Variants in CEMIP observed in about 807,000 individuals in gnomAD.
CEMIP encodes the protein cell migration-inducing and hyaluronan-binding protein.
In CEMIP, 105 loss-of-function variants were observed where a neutral mutation model predicts 156.9. That is an observed-to-expected ratio of 0.67 (90% CI 0.57 to 0.79). The LOEUF (loss-of-function observed/expected upper bound fraction) is 0.79. CEMIP is among the 30% of genes least tolerant of loss of function. The pLI is 0.00. For missense variants in CEMIP, 1,457 were observed against 1,769.4 expected (o/e 0.82, Z 3.17); for synonymous variants, 676 against 668.4 (o/e 1.01, Z -0.17).
chr15:80,816,728 C>T (rs780757886), intron 1 of CEMIP, among the ~76,000 whole-genome samples: 5 of 152,166 alleles, frequency 3.3e-5, no homozygotes, highest in African/African-American at 9.6e-5. Flanking sequence ...GGTCTCAGGA[C>T]GGGCACTGGG....
At chr15:80,829,751 G>C (rs1897112932) in intron 1 of CEMIP, among the ~76,000 whole-genome samples, 1 of 152,122 alleles carries the variant, frequency 6.6e-6, no homozygotes, top group South Asian at 2.1e-4. Flanking sequence ...CCTGCTCTGG[G>C]GCTGTGCACA....
At chr15:80,887,370 CTG>C (rs1898880578) in intron 7 of CEMIP, among the ~76,000 whole-genome samples, 1 of 152,176 alleles carries the variant, frequency 6.6e-6, no homozygotes, top group East Asian at 1.9e-4. Context: ...ATAATTGAGC[CTG>C]GCGGGTGGTA....
chr15:80,928,795 A>C (rs1900790709), intron 19 of CEMIP, 107 bp from the exon 20 acceptor site: 1 of 1,369,758 alleles, frequency 7.3e-7, no homozygotes, highest in Non-Finnish European at 1.0e-6. Flanking sequence ...CTTCCTCTGC[A>C]CGGTATTCAG....
intron 15 of CEMIP, 152 bp from the exon 16 acceptor site, chr15:80,920,880 C>T: frequency 4.4e-6 from 3 of 679,070 alleles, no homozygotes; most frequent in Non-Finnish European, 5.3e-6. Context: ...AATTAGAAAA[C>T]TGGGTTTCAG....
At chr15:80,793,396 G>A (rs1001856939) in intron 1 of CEMIP, among the ~76,000 whole-genome samples, 2 of 152,200 alleles carry the variant, frequency 1.3e-5, no homozygotes, top group African/African-American at 4.8e-5. Flanking sequence ...TAAGTCTTCT[G>A]TGGTGGGTGT....
At position 80,914,357 on chromosome 15, in the gene CEMIP, G is replaced by A. The variant is rs547791811; in HGVS notation, c.1797+5051G>A. Among the ~76,000 whole-genome samples, 12 of 152,182 alleles carry A rather than the reference G, an allele frequency of 7.9e-5. No homozygotes were observed. In the East Asian group the frequency reaches 2.3e-3, roughly 29 times the overall value. On this transcript the variant is annotated intron_variant, in intron 14 of 29. Transcript: ENST00000394685. ...ATGCTCTTTCCTTCTTTTCCTCCTCGTGTATTGCTCAAAATGTGCTATCTT... is the reference window on the plus strand; with the variant it reads ...ATGCTCTTTCCTTCTTTTCCTCCTCATGTATTGCTCAAAATGTGCTATCTT...
intron 14 of CEMIP, among the ~76,000 whole-genome samples, chr15:80,912,402 T>C (rs1900105059): frequency 1.3e-5 from 2 of 152,096 alleles, no homozygotes; most frequent in African/African-American, 4.8e-5. Flanking sequence ...AGCTGCAAAC[T>C]GGGAGGGCCA....
intron 27 of CEMIP, 55 bp from the exon 28 acceptor site, chr15:80,942,890 A>T: frequency 6.2e-7 from 1 of 1,608,812 alleles, no homozygotes; most frequent in Non-Finnish European, 8.5e-7. Context: ...CCTGGGCAGG[A>T]GAACCATGGG....
At chr15:80,793,772 C>T (rs1896145412) in intron 1 of CEMIP, among the ~76,000 whole-genome samples, 1 of 152,116 alleles carries the variant, frequency 6.6e-6, no homozygotes, top group African/African-American at 2.4e-5. Context: ...TAGGGAATTC[C>T]CTTTCTATTT....
chr15:80,894,307 C>T (rs1899135951), intron 10 of CEMIP, among the ~76,000 whole-genome samples: 1 of 152,226 alleles, frequency 6.6e-6, no homozygotes, highest in Non-Finnish European at 1.5e-5. Context: ...TTAGCTCTGC[C>T]ACCTACTGGC....
At position 80,895,455 on chromosome 15, in the gene CEMIP, T is replaced by C. The variant is rs566207750; in HGVS notation, c.1219+333T>C. On this transcript the variant is annotated intron_variant, in intron 11 of 29. Coordinates refer to ENST00000394685, the MANE Select transcript of CEMIP (RefSeq NM_001293298.2). Reference sequence around the variant, plus strand: ...TACCTAAGGTGCTTGTTAGAAGAGATTGGAAATGGTCGGGTTGTTCTCGGA... The same window carrying C: ...TACCTAAGGTGCTTGTTAGAAGAGACTGGAAATGGTCGGGTTGTTCTCGGA... 2.0e-5 allele frequency among the ~76,000 whole-genome samples: 3 copies of C among 152,094 alleles called. No homozygotes were observed. The East Asian group carries it at 5.8e-4, about 29-fold the overall frequency.
intron 14 of CEMIP, among the ~76,000 whole-genome samples, chr15:80,918,688 A>C (rs59568938): frequency 6.3e-4 from 96 of 152,262 alleles, no homozygotes; most frequent in African/African-American, 2.3e-3. Context: ...GTGGGGATGA[A>C]GGGTGTAAGA....
intron 1 of CEMIP, among the ~76,000 whole-genome samples, chr15:80,871,120 C>G (rs1898275068): frequency 6.6e-6 from 1 of 152,186 alleles, no homozygotes; most frequent in African/African-American, 2.4e-5. Context: ...AGAATGCTGT[C>G]CTCCCTTGGT....
intron 12 of CEMIP, among the ~76,000 whole-genome samples, chr15:80,899,654 A>G (rs934600286): frequency 6.6e-6 from 1 of 151,354 alleles, no homozygotes; most frequent in Non-Finnish European, 1.5e-5. Flanking sequence ...GGCTCGAGAG[A>G]GAGGGAGGGG....
intron 1 of CEMIP, among the ~76,000 whole-genome samples, chr15:80,803,483 G>T (rs2141607998): frequency 6.6e-6 from 1 of 152,188 alleles, no homozygotes; most frequent in Admixed American, 6.5e-5. Context: ...AAATGAAAAA[G>T]AATCTTAGAA....
At position 80,951,514 on chromosome 15, in the gene CEMIP, T is replaced by C. The variant is rs1204934956; in HGVS notation, c.*2590T>C. ...TTCTGTTGCCGAAATAGCTGGTCCT[T>C]TTTCGGGAGTTAGATGTATAGAGTG... On this transcript the variant is annotated 3_prime_UTR_variant, in exon 30 of 30. Coordinates refer to ENST00000394685, the MANE Select transcript of CEMIP (RefSeq NM_001293298.2). 6.6e-6 allele frequency: 1 copy of C among 152,652 alleles called. No individual in the cohort carries two copies. Among genetic ancestry groups the C allele is most frequent in the African/African-American group, 2.4e-5 (1 of 41,462 alleles). 9.5% of individuals were successfully genotyped at this position (152,652 alleles called of 1,614,324 possible).
At chr15:80,814,963 G>C (rs150153496) in intron 1 of CEMIP, among the ~76,000 whole-genome samples, 401 of 152,278 alleles carry the variant, frequency 2.6e-3, no homozygotes, top group Middle Eastern at 0.014. Flanking sequence ...TGGGATTATA[G>C]ACATGAGCCA....
At chr15:80,848,866 T>A (rs910669606) in intron 1 of CEMIP, among the ~76,000 whole-genome samples, 1 of 140,670 alleles carries the variant, frequency 7.1e-6, no homozygotes, top group African/African-American at 2.7e-5. Context: ...AACCTCCTCA[T>A]GGTCAGTGTG....
At chr15:80,897,980 G>C (rs940209244) in intron 12 of CEMIP, among the ~76,000 whole-genome samples, 1 of 152,204 alleles carries the variant, frequency 6.6e-6, no homozygotes, top group Non-Finnish European at 1.5e-5. Flanking sequence ...TTTTCCACAG[G>C]GGTTTTCATA....
Sources: allele counts gnomAD v4.1 joint callset (sites outside exome capture counted in the v4.1 genomes callset), GRCh38; gene constraint gnomAD v4.1.1; transcripts MANE v1.5; gene names NCBI Gene and HGNC (gene_info 2026-07-23, HGNC 2026-07-21).